The following BCAS3 variants were observed in gnomAD, a reference collection of about 807,000 sequenced individuals.
BCAS3 encodes the protein BCAS3 microtubule associated cell migration factor, also known as BCAS4/BCAS3 fusion.
A neutral mutation model predicts 116.1 loss-of-function variants in BCAS3; 53 were observed. The ratio of observed to expected loss-of-function variants is 0.46; its 90% CI spans 0.37 to 0.57. BCAS3 has a LOEUF of 0.57. BCAS3 is among the 20% of genes least tolerant of loss of function. BCAS3 has a pLI of 0.00. For missense variants in BCAS3, 917 were observed against 1,165.4 expected (o/e 0.79, Z 3.10); for synonymous variants, 391 against 408.2 (o/e 0.96, Z 0.51).
chr17:61,135,503 G>C (rs1248616070), intron 22 of BCAS3, among the ~76,000 whole-genome samples: 1 of 152,188 alleles, frequency 6.6e-6, no homozygotes, highest in Non-Finnish European at 1.5e-5. Flanking sequence ...CCAGAAGACA[G>C]TCAGTACTTC....
chr17:61,091,786 A>C (rs1050638204), intron 22 of BCAS3, among the ~76,000 whole-genome samples: 3 of 152,200 alleles, frequency 2.0e-5, no homozygotes, highest in Admixed American at 1.3e-4. Flanking sequence ...AATGACCACT[A>C]ATTTGTGGAT....
Position 61,122,693 on chromosome 17 carries a change from A to G in BCAS3, c.2425+38129A>G, listed in dbSNP as rs528857989. ...ATCATATACATTTCCTTAAACTCAC[A>G]TGCTGAATTTTCCCACATAGACAAA... On this transcript the variant is annotated intron_variant, in intron 22 of 23. Transcript: ENST00000407086. This position sits in a 1 kb window ranked among gnomAD's most constrained non-coding sequence, Gnocchi z 4.6. 6.6e-6 allele frequency among the ~76,000 whole-genome samples: 1 copy of G among 152,226 alleles called. No homozygotes were observed. Among genetic ancestry groups the G allele is most frequent in the Non-Finnish European group, 1.5e-5 (1 of 68,036 alleles).
At position 61,187,240 on chromosome 17, in the gene BCAS3, C is replaced by T. The variant is rs1027571241; in HGVS notation, c.2425+102676C>T. Among the ~76,000 whole-genome samples the T allele has an allele frequency of 5.7e-4, 87 of 152,316 alleles. 1 individual carries two copies. Among genetic ancestry groups the T allele is most frequent in the African/African-American group, 1.7e-3 (72 of 41,572 alleles). On this transcript the variant is annotated intron_variant, in intron 22 of 23. Coordinates refer to ENST00000407086, the MANE Select transcript of BCAS3 (RefSeq NM_017679.5). ...TTCACTAAGAGATTTTAAGAACTCA[C>T]TCAAAATACTCTCAGCATGAGGCTT... is the stretch of plus-strand genomic sequence containing the variant.
At chr17:61,321,705 C>T (rs868286209) in intron 22 of BCAS3, among the ~76,000 whole-genome samples, 5 of 152,070 alleles carry the variant, frequency 3.3e-5, no homozygotes, top group Non-Finnish European at 7.4e-5. Context: ...CCTAGGAAGG[C>T]GAGCCAGCAA....
At chr17:60,905,773 C>T (rs1035731257) in intron 11 of BCAS3, among the ~76,000 whole-genome samples, 5 of 152,060 alleles carry the variant, frequency 3.3e-5, no homozygotes, top group African/African-American at 4.8e-5. Context: ...GGGGCCTGAG[C>T]GGGTTTCAGG....
chr17:60,877,191 T>TAC (rs906524905), intron 9 of BCAS3, among the ~76,000 whole-genome samples: 6 of 141,234 alleles, frequency 4.2e-5, no homozygotes, highest in Non-Finnish European at 7.5e-5. Flanking sequence ...TATATATATA[T>TAC]ACACACACAT....
chr17:60,783,174 C>T (rs1417087213), intron 6 of BCAS3, among the ~76,000 whole-genome samples: 1 of 152,098 alleles, frequency 6.6e-6, no homozygotes, highest in Non-Finnish European at 1.5e-5. Context: ...GTAGGTTCAT[C>T]AGTTTTTCAA....
At chr17:61,170,319 G>A (rs909002088) in intron 22 of BCAS3, among the ~76,000 whole-genome samples, 1 of 151,550 alleles carries the variant, frequency 6.6e-6, no homozygotes, top group Non-Finnish European at 1.5e-5. Flanking sequence ...TTGAGACGGA[G>A]TCTCGCTCTG....
In BCAS3 at chr17:61,057,694, T is replaced by C. The variant is rs1050320402; in HGVS notation, c.2029+16802T>C. Reference sequence around the variant, plus strand: ...TGTTACTTTTTTTTTTTTCACATTTTATGTAGCAACAGGATTTTCTAATAG... The same window carrying C: ...TGTTACTTTTTTTTTTTTCACATTTCATGTAGCAACAGGATTTTCTAATAG... On this transcript the variant is annotated intron_variant, in intron 19 of 23. Transcript: ENST00000407086. Among the ~76,000 whole-genome samples the C allele has an allele frequency of 2.6e-5, 4 of 152,230 alleles. No individual in the cohort carries two copies. The East Asian group carries it at 7.7e-4, about 29-fold the overall frequency.
intron 10 of BCAS3, among the ~76,000 whole-genome samples, chr17:60,892,121 C>T (rs2057195862): frequency 6.6e-6 from 1 of 152,132 alleles, no homozygotes; most frequent in Non-Finnish European, 1.5e-5. Context: ...ATACAAGTGC[C>T]TGTCCTTTTT....
chr17:60,681,204 TAAAA>T (rs1263447291), intron 2 of BCAS3, among the ~76,000 whole-genome samples: 1 of 151,698 alleles, frequency 6.6e-6, no homozygotes, highest in Non-Finnish European at 1.5e-5. Flanking sequence ...GACTGTGTCT[TAAAA>T]AAAATATATG....
intron 6 of BCAS3, among the ~76,000 whole-genome samples, chr17:60,782,015 A>G (rs1450555279): frequency 6.8e-6 from 1 of 147,372 alleles, no homozygotes; most frequent in Admixed American, 6.7e-5. Flanking sequence ...CACCAGATGA[A>G]CAACTGAGCT....
chr17:61,154,960 T>A lies in BCAS3; in HGVS notation c.2425+70396T>A, dbSNP rs969669263. Among the ~76,000 whole-genome samples the A allele has an allele frequency of 5.3e-5, 8 of 151,910 alleles. No homozygotes were observed. In the South Asian group the frequency reaches 1.7e-3, roughly 32 times the overall value. On this transcript the variant is annotated intron_variant, in intron 22 of 23. Coordinates refer to ENST00000407086, the MANE Select transcript of BCAS3 (RefSeq NM_017679.5). ...GGGTGTTTGGCTTGCAAAAGATAAA[T>A]CATTTCAGAAATGTTTTTCTATTTG...
intron 14 of BCAS3, among the ~76,000 whole-genome samples, chr17:60,985,863 A>G (rs1299134139): frequency 6.6e-6 from 1 of 152,156 alleles, no homozygotes; most frequent in Non-Finnish European, 1.5e-5. Context: ...CAGTCTCCCA[A>G]GTAGCTGGAA....
At chr17:61,242,783 G>T (rs2144508915) in intron 22 of BCAS3, among the ~76,000 whole-genome samples, 1 of 151,702 alleles carries the variant, frequency 6.6e-6, no homozygotes, top group African/African-American at 2.4e-5. Flanking sequence ...GTTCTCTAAA[G>T]ATTATTGCCT....
intron 7 of BCAS3, among the ~76,000 whole-genome samples, chr17:60,849,093 C>T (rs2052806169): frequency 6.6e-6 from 1 of 152,112 alleles, no homozygotes; most frequent in African/African-American, 2.4e-5. Context: ...CAGATAGACA[C>T]ATAGATACAC....
At chr17:61,153,477 G>A (rs1276797676) in intron 22 of BCAS3, among the ~76,000 whole-genome samples, 1 of 152,042 alleles carries the variant, frequency 6.6e-6, no homozygotes, top group South Asian at 2.1e-4. Flanking sequence ...AGATGACTTT[G>A]CCCTTAAAAG....
chr17:61,087,418 A>G lies in BCAS3; in HGVS notation c.2425+2854A>G, dbSNP rs2073175660. ...TGGCAGTATAATTGTTTTTCATATA[A>G]TTACTTTATTCACAGATAATAGAAT... On this transcript the variant is annotated intron_variant, in intron 22 of 23. Coordinates refer to ENST00000407086, the MANE Select transcript of BCAS3 (RefSeq NM_017679.5). The surrounding 1 kb of genome is among the most constrained non-coding windows in gnomAD (Gnocchi z 4.6). 2 of 156,542 alleles carry G rather than the reference A, an allele frequency of 1.3e-5. No homozygotes were observed. Among genetic ancestry groups the G allele is most frequent in the Non-Finnish European group, 2.8e-5 (2 of 71,968 alleles). 9.7% of individuals were successfully genotyped at this position (156,542 alleles called of 1,614,324 possible). A position where few individuals can be genotyped will look rare whatever the true frequency, so the allele number is the denominator to read the frequency against.
chr17:61,171,765 C>A lies in BCAS3; in HGVS notation c.2425+87201C>A, dbSNP rs1380345907. Among the ~76,000 whole-genome samples, 2 of 151,780 alleles carry A rather than the reference C, an allele frequency of 1.3e-5. No individual in the cohort carries two copies. Among genetic ancestry groups the A allele is most frequent in the Non-Finnish European group, 2.9e-5 (2 of 67,966 alleles). On this transcript the variant is annotated intron_variant, in intron 22 of 23. Transcript: ENST00000407086. The surrounding 1 kb of genome is among the most constrained non-coding windows in gnomAD (Gnocchi z 4.1). ...CCTCCTGAGTAGCTGGGATTTCAGG[C>A]ATGTGCCACCATGCCCTGCTAATTA...
Sources: allele counts gnomAD v4.1 joint callset (sites outside exome capture counted in the v4.1 genomes callset), GRCh38; gene constraint gnomAD v4.1.1; non-coding constraint Gnocchi (gnomAD v3.1); transcripts MANE v1.5; gene names NCBI Gene and HGNC (gene_info 2026-07-23, HGNC 2026-07-21).